Variants in ZNF536 observed in about 807,000 individuals in gnomAD.
ZNF536 encodes zinc finger protein 536.
A neutral mutation model predicts 84.5 loss-of-function variants in ZNF536; 13 were observed. The ratio of observed to expected loss-of-function variants is 0.15; its 90% CI spans 0.10 to 0.24. The LOEUF is 0.24. Among genes scored for constraint, ZNF536 ranks in the 10% least tolerant of loss-of-function variants. The pLI is 1.00. For missense variants in ZNF536, 1,536 were observed against 1,747.5 expected, an observed-to-expected ratio of 0.88 and a Z score of 2.16; for synonymous variants, 811 against 742.5, an observed-to-expected ratio of 1.09 and a Z score of -1.50.
chr19:30,286,396 C>G (rs753123402), intron 2 of ZNF536, among the ~76,000 whole-genome samples: 3 of 152,102 alleles, frequency 2.0e-5, no homozygotes, highest in Non-Finnish European at 2.9e-5. Context: ...AGGTTTTGCC[C>G]TTGGTACCAT....
At chr19:30,599,368 C>T (rs1410685467) in intron 1 of ZNF536, among the ~76,000 whole-genome samples, 2 of 136,750 alleles carry the variant, frequency 1.5e-5, no homozygotes, top group Non-Finnish European at 3.2e-5. Flanking sequence ...CCCTCCCTTC[C>T]TCCTCCCATC....
chr19:30,558,425 G>A (rs78700941), downstream of ZNF536, among the ~76,000 whole-genome samples: 9 of 152,210 alleles, frequency 5.9e-5, no homozygotes, highest in East Asian at 1.7e-3. Context: ...TGGGCACGGA[G>A]TATGCCGGCC....
intron 1 of ZNF536, among the ~76,000 whole-genome samples, chr19:30,590,348 C>A (rs11672267): frequency 0.018 from 2,687 of 152,286 alleles, 22 homozygotes; most frequent in Non-Finnish European, 0.025. Context: ...CAAGCTTGTT[C>A]CTCCTGGGGC....
At chr19:30,303,708 G>A (rs760628658) in intron 2 of ZNF536, among the ~76,000 whole-genome samples, 3 of 152,188 alleles carry the variant, frequency 2.0e-5, no homozygotes, top group African/African-American at 2.4e-5. Flanking sequence ...TCACCATGTC[G>A]GCCGGGCTGG....
chr19:30,519,578 G>A (rs2044234384), intron 2 of ZNF536, among the ~76,000 whole-genome samples: 2 of 152,228 alleles, frequency 1.3e-5, no homozygotes, highest in African/African-American at 4.8e-5. Context: ...TTCCTGGAGA[G>A]AGCCTGTGGC....
At chr19:30,650,579 AT>A (rs61168098) in intron 1 of ZNF536, among the ~76,000 whole-genome samples, 3,032 of 152,110 alleles carry the variant, frequency 0.02, 96 homozygotes, top group African/African-American at 0.07. Flanking sequence ...GCAAGGAGAG[AT>A]TTTTTTTCCT....
At chr19:30,435,045 GTGA>G (rs776500590) in intron 1 of ZNF536, among the ~76,000 whole-genome samples, 11 of 150,292 alleles carry the variant, frequency 7.3e-5, no homozygotes, top group African/African-American at 1.5e-4. Flanking sequence ...GGTGCTGGTG[GTGA>G]TGATGATGCT....
upstream of ZNF536, among the ~76,000 whole-genome samples, chr19:30,369,654 A>G (rs566384979): frequency 6.6e-6 from 1 of 152,352 alleles, no homozygotes; most frequent in South Asian, 2.1e-4. Context: ...TCCCTGTACC[A>G]TAAGATAAGC....
intron 1 of ZNF536, among the ~76,000 whole-genome samples, chr19:30,420,148 C>T (rs2050893429): frequency 1.3e-5 from 2 of 152,200 alleles, no homozygotes; most frequent in Admixed American, 1.3e-4. Flanking sequence ...TCTGGCTTAA[C>T]TCTTTTAACA....
chr19:30,449,381 T>G (rs1227159747), intron 2 of ZNF536, among the ~76,000 whole-genome samples: 1 of 152,222 alleles, frequency 6.6e-6, no homozygotes, highest in East Asian at 1.9e-4. Context: ...CATTAATCTT[T>G]GCATCTTTCT....
At chr19:30,670,355 G>T (rs1215884845) in intron 1 of ZNF536, among the ~76,000 whole-genome samples, 1 of 152,220 alleles carries the variant, frequency 6.6e-6, no homozygotes, top group Non-Finnish European at 1.5e-5. Flanking sequence ...GAAAACTGTG[G>T]CATTCATTTG....
chr19:30,481,495 A>G (rs1353248956), intron 2 of ZNF536, among the ~76,000 whole-genome samples: 1 of 152,138 alleles, frequency 6.6e-6, no homozygotes, highest in African/African-American at 2.4e-5. Flanking sequence ...TCTTTTCTGC[A>G]AGTATTTTGA....
chr19:30,417,482 C>T (rs1031140449), intron 1 of ZNF536, among the ~76,000 whole-genome samples: 1 of 152,040 alleles, frequency 6.6e-6, no homozygotes, highest in Non-Finnish European at 1.5e-5. Context: ...CATCTTGATA[C>T]AATCCACTGC....
At chr19:30,391,582 A>G (rs1281458999) in intron 1 of ZNF536, among the ~76,000 whole-genome samples, 1 of 151,916 alleles carries the variant, frequency 6.6e-6, no homozygotes, top group Non-Finnish European at 1.5e-5. Flanking sequence ...GTCTCAAAAA[A>G]CAAACAAACA....
intron 1 of ZNF536, among the ~76,000 whole-genome samples, chr19:30,692,958 T>C (rs11878450): frequency 0.012 from 1,787 of 152,212 alleles, 44 homozygotes; most frequent in African/African-American, 0.041. Flanking sequence ...ATTCAAGTAG[T>C]TGAAAACGAT....
At chr19:30,293,489 C>A (rs1172962960) in intron 2 of ZNF536, among the ~76,000 whole-genome samples, 1 of 152,122 alleles carries the variant, frequency 6.6e-6, no homozygotes, top group Admixed American at 6.5e-5. Context: ...TTGTGGTTCT[C>A]CTTTTATGTT....
intron 3 of ZNF536, among the ~76,000 whole-genome samples, chr19:30,360,515 G>A (rs2048240463): frequency 6.6e-6 from 1 of 152,224 alleles, no homozygotes; most frequent in Admixed American, 6.5e-5. Context: ...TACAGGGCTT[G>A]CACCTTTCCC....
chr19:30,395,203 G>A (rs1203866762), intron 1 of ZNF536, among the ~76,000 whole-genome samples: 1 of 152,122 alleles, frequency 6.6e-6, no homozygotes, highest in African/African-American at 2.4e-5. Context: ...ATAAAAGAAG[G>A]AACTGACAGG....
chr19:30,544,284 G>A (rs1165951598), intron 3 of ZNF536, among the ~76,000 whole-genome samples: 3 of 152,160 alleles, frequency 2.0e-5, no homozygotes, highest in Non-Finnish European at 4.4e-5. Context: ...AGAAGGCAGA[G>A]GAAGCATGGG....
Sources: allele counts gnomAD v4.1 joint callset (sites outside exome capture counted in the v4.1 genomes callset), GRCh38; gene constraint gnomAD v4.1.1; transcripts MANE v1.5; gene names NCBI Gene and HGNC (gene_info 2026-07-23, HGNC 2026-07-21).